The following WBP2 variants were observed in gnomAD, a reference collection of about 807,000 sequenced individuals.
WBP2 encodes WW domain binding protein 2, also known as WW domain-binding protein 2.
WBP2 carries 23 observed loss-of-function variants against 33.0 expected under a neutral mutation model. The ratio of observed to expected loss-of-function variants is 0.70; its 90% CI spans 0.50 to 0.99. The LOEUF is 0.99. WBP2 is among the 50% of genes least tolerant of loss of function. The pLI is 0.00. For missense variants in WBP2, 353 were observed against 358.0 expected, an observed-to-expected ratio of 0.99 and a Z score of 0.11; for synonymous variants, 153 against 133.5, an observed-to-expected ratio of 1.15 and a Z score of -1.01.
chr17:75,848,310 T>C (rs1033702392), intron 4 of WBP2: 9 of 589,612 alleles, frequency 1.5e-5, no homozygotes, highest in African/African-American at 3.7e-5. Flanking sequence ...TATGAGGCCA[T>C]AGTAAAGTGT....
intron 5 of WBP2, 81 bp from the exon 6 acceptor site, chr17:75,847,690 C>T (rs2065002836): frequency 7.5e-6 from 12 of 1,592,450 alleles, no homozygotes; most frequent in Non-Finnish European, 9.4e-6. Context: ...TCTCCAGCTC[C>T]TTCGTTGGTC....
At chr17:75,854,043 TAAAAAAAAAAAAAAAA>T (rs55857053) in intron 1 of WBP2, among the ~76,000 whole-genome samples, 1 of 55,454 alleles carries the variant, frequency 1.8e-5, no homozygotes, top group Admixed American at 2.3e-4. Context: ...AGCCTCCATC[TAAAAAAAAAAAAAAAA>T]AAAAAAAAAA....
intron 4 of WBP2, chr17:75,848,301 A>G: frequency 1.7e-6 from 1 of 586,258 alleles, no homozygotes; most frequent in South Asian, 2.0e-5. Context: ...TGTTTGTTTT[A>G]TGAGGCCATA....
chr17:75,849,647 A>T lies in WBP2; in HGVS notation c.261T>A (p.Phe87Leu), dbSNP rs1006247541. 1 of 1,614,062 alleles carries T rather than the reference A, an allele frequency of 6.2e-7. No homozygotes were observed. The highest frequency in any genetic ancestry group is 1.3e-5 in the African/African-American group (1 of 74,930). Residue 87 changes from phenylalanine (F) to leucine (L), a missense_variant, in exon 3 of 8, where the codon TTT (phenylalanine) becomes TTA (leucine). Physicochemically the swap from Phe to Leu is conservative, Grantham distance 22 (BLOSUM62 0). Coordinates refer to ENST00000254806, the MANE Select transcript of WBP2 (RefSeq NM_012478.4). ...MKDCEIKQPV[F>L]GANYIKGTVK... ...CTGTTCCCTTGATGTAGTTTGCACCAAATACGGGCTGCTTGATCTCACAGT... is the reference window on the plus strand; with the variant it reads ...CTGTTCCCTTGATGTAGTTTGCACCTAATACGGGCTGCTTGATCTCACAGT...
intron 2 of WBP2, chr17:75,851,159 G>A (rs1567827101): frequency 5.7e-6 from 1 of 175,020 alleles, no homozygotes; most frequent in African/African-American, 2.3e-5. Context: ...TCTCTGCCCA[G>A]TCCGGAGGCC....
chr17:75,852,009 C>T (rs563065595), intron 1 of WBP2: 22 of 206,578 alleles, frequency 1.1e-4, no homozygotes, highest in East Asian at 2.1e-4. Flanking sequence ...GAGGCTGAGG[C>T]GGGAGAATCG....
upstream of WBP2, among the ~76,000 whole-genome samples, chr17:75,855,785 C>T (rs962439387): frequency 2.6e-5 from 4 of 152,266 alleles, no homozygotes; most frequent in South Asian, 2.1e-4. Context: ...GAGCTGTCCC[C>T]TTGTGGATGG....
chr17:75,855,184 C>CCCCCCCCCCCCA, intron 1 of WBP2, 55 bp downstream of exon 1: 1 of 1,514,172 alleles, frequency 6.6e-7, no homozygotes, highest in African/African-American at 1.4e-5. Context: ...ACCCACCGCC[C>CCCCCCCCCCCCA]ACTTCCTCGA....
rs1413430384 is a variant in WBP2 at position 75,847,827 on chromosome 17, A to G, written c.501T>C (p.Pro167=). The change falls in exon 5 of 8, where the codon CCT becomes CCC. Residue 167 remains proline, a synonymous_variant. Transcript: ENST00000254806. ...GGGGCGGTGGATAGGGGTAGCCAGGAGGGCAGGGGTACATTCCATTGGCGA... is the reference window on the plus strand; with the variant it reads ...GGGGCGGTGGATAGGGGTAGCCAGGGGGGCAGGGGTACATTCCATTGGCGA... ...PPVANGMYPC[P]PGYPYPPPPP... is the part of the protein sequence containing the mutation. The G allele has an allele frequency of 7.1e-6, 11 of 1,558,112 alleles. No individual in the cohort carries two copies. The highest frequency in any genetic ancestry group is 9.6e-6 in the Non-Finnish European group (11 of 1,150,682).
intron 2 of WBP2, among the ~76,000 whole-genome samples, chr17:75,850,320 G>A (rs537301248): frequency 2.7e-5 from 4 of 150,730 alleles, no homozygotes; most frequent in East Asian, 2.0e-4. Context: ...ATCTTGGCTC[G>A]CTGCAAGCTC....
chr17:75,848,394 G>A (rs936284672), intron 4 of WBP2, 176 bp downstream of exon 4: 2 of 651,460 alleles, frequency 3.1e-6, no homozygotes, highest in Admixed American at 2.4e-5. Flanking sequence ...CTGAGGTACA[G>A]GACAGAGCTG....
chr17:75,848,661 A>G lies in WBP2; in HGVS notation c.306T>C (p.Gly102=). ...TGTAGGAAGCAGAGCCTTCCCAGCC[A>G]CCTGAAAGGGGAAGGACAGTGAATA... ...IKGTVKAEAG[G]GWEGSASYKL... Residue 102 remains glycine, a splice_region_variant and synonymous_variant, in exon 4 of 8, where the codon GGT becomes GGC. Coordinates refer to ENST00000254806, the MANE Select transcript of WBP2 (RefSeq NM_012478.4). The G allele has an allele frequency of 1.2e-6, 2 of 1,613,044 alleles. No individual in the cohort carries two copies. The highest frequency in any genetic ancestry group is 1.7e-6 in the Non-Finnish European group (2 of 1,179,446).
intron 3 of WBP2, chr17:75,848,940 A>G: frequency 2.0e-6 from 1 of 500,452 alleles, no homozygotes; most frequent in Non-Finnish European, 3.6e-6. Context: ...CCTTGGCCCA[A>G]TATGTACACG....
In WBP2 at chr17:75,851,659, T is replaced by C. The variant is rs2065028297; in HGVS notation, c.77A>G (p.Asp26Gly). 6.2e-7 allele frequency: 1 copy of C among 1,613,350 alleles called. No individual in the cohort carries two copies. The highest frequency in any genetic ancestry group is 8.5e-7 in the Non-Finnish European group (1 of 1,179,430). ...GTCATTGAATGTGAGTTCCACGTGATCATAGGACATTAGGATGCTGTGATG... is the reference window on the plus strand; with the variant it reads ...GTCATTGAATGTGAGTTCCACGTGACCATAGGACATTAGGATGCTGTGATG... ...NNTESILMSY[D>G]HVELTFNDMK... The change falls in exon 2 of 8, where the codon GAT becomes GGT. Residue 26 changes from aspartate to glycine, a missense_variant. Physicochemically the swap from Asp to Gly is moderately conservative, Grantham distance 94. Coordinates refer to ENST00000254806, the MANE Select transcript of WBP2 (RefSeq NM_012478.4).
At position 75,848,593 on chromosome 17, in the gene WBP2, C is replaced by T. The variant is rs138426320; in HGVS notation, c.374G>A (p.Arg125Gln). Reference protein sequence around the residue: ...TAGGAIEFGQRMLQVASQASR... With the variant: ...TAGGAIEFGQQMLQVASQASR... Reference sequence around the variant, plus strand: ...ACCTTGAGATGCCACCTGGAGCATCCGCTGTCCGAACTCAATGGCGCCCCC... The same window carrying T: ...ACCTTGAGATGCCACCTGGAGCATCTGCTGTCCGAACTCAATGGCGCCCCC... The change falls in exon 4 of 8, where the codon CGG becomes CAG. Residue 125 changes from arginine (R) to glutamine (Q), a missense_variant. Transcript: ENST00000254806. 2.9e-4 allele frequency: 465 copies of T among 1,613,938 alleles called. No homozygotes were observed. The African/African-American group carries it at 5.0e-3, about 17-fold the overall frequency.
At chr17:75,851,833 G>A in intron 1 of WBP2, 157 bp from the exon 2 acceptor site, 1 of 531,966 alleles carries the variant, frequency 1.9e-6, no homozygotes, top group Non-Finnish European at 3.5e-6. Context: ...TGGGCGCGGT[G>A]GCTCACGCCC....
chr17:75,853,364 C>T (rs993858796), intron 1 of WBP2, among the ~76,000 whole-genome samples: 1 of 152,166 alleles, frequency 6.6e-6, no homozygotes, highest in African/African-American at 2.4e-5. Context: ...AAATTTTGGA[C>T]ACTGGACTTA....
intron 6 of WBP2, 88 bp from the exon 7 acceptor site, chr17:75,847,072 C>T: frequency 1.4e-6 from 2 of 1,470,096 alleles, no homozygotes; most frequent in Non-Finnish European, 9.4e-7. Context: ...TGGCTCGGGG[C>T]AGCTGGTGCT....
chr17:75,852,883 C>T (rs1277661514), intron 1 of WBP2: 9 of 825,900 alleles, frequency 1.1e-5, no homozygotes, highest in Non-Finnish European at 1.3e-5. Flanking sequence ...CTTCGGGGTT[C>T]TTTTAAACCT....
Sources: gnomAD v4.1 joint callset for allele counts (sites outside exome capture counted in the v4.1 genomes callset) on GRCh38, gnomAD v4.1.1 for gene constraint, MANE v1.5 for transcripts, NCBI Gene and HGNC (gene_info 2026-07-23, HGNC 2026-07-21) for gene names.